FAP: variants seen among roughly 807,000 people sequenced by gnomAD.
FAP encodes prolyl endopeptidase FAP.
FAP carries 110 observed loss-of-function variants against 126.5 expected under a neutral mutation model. The ratio of observed to expected loss-of-function variants is 0.87; its 90% confidence interval spans 0.74 to 1.02. FAP has a LOEUF of 1.02. Among genes scored for constraint, FAP ranks in the 50% least tolerant of loss-of-function variants. The pLI is 0.00. For missense variants in FAP, 919 were observed against 909.2 expected, an observed-to-expected ratio of 1.01 and a Z score of -0.14; for synonymous variants, 334 against 297.3, an observed-to-expected ratio of 1.12 and a Z score of -1.27.
intron 8 of FAP, 150 bp downstream of exon 8, chr2:162,218,913 C>T (rs954492102): frequency 1.0e-5 from 5 of 502,388 alleles, no homozygotes; most frequent in Non-Finnish European, 1.7e-5. Flanking sequence ...TTTTAAAATA[C>T]GTATGCCCTA....
intron 9 of FAP, 112 bp from the exon 10 acceptor site, chr2:162,216,113 T>C: frequency 1.4e-6 from 1 of 696,396 alleles, no homozygotes; most frequent in Non-Finnish European, 2.5e-6. Flanking sequence ...CTTATGTATA[T>C]CACTGTGGAA....
chr2:162,197,260 C>T (rs1017872253), intron 16 of FAP, among the ~76,000 whole-genome samples: 1 of 152,132 alleles, frequency 6.6e-6, no homozygotes, highest in African/African-American at 2.4e-5. Context: ...AGACATTCTT[C>T]TTGGTCTTAG....
At chr2:162,188,770 T>G (rs1052312328) in intron 19 of FAP, among the ~76,000 whole-genome samples, 2 of 152,138 alleles carry the variant, frequency 1.3e-5, no homozygotes, top group Non-Finnish European at 2.9e-5. Flanking sequence ...TTATTTCATT[T>G]CTAACTCAAT....
At chr2:162,205,342 A>C (rs76611548) in intron 12 of FAP, among the ~76,000 whole-genome samples, 2 of 152,212 alleles carry the variant, frequency 1.3e-5, no homozygotes, top group African/African-American at 2.4e-5. Flanking sequence ...AAGTGAAATT[A>C]ATAACCAAGA....
Position 162,219,906 on chromosome 2 carries a change from C to T in FAP, c.433G>A (p.Glu145Lys), listed in dbSNP as rs1689315025. The stretch of plus-strand genomic sequence containing the variant: ...AAATACTGAATTGGACGAGGAAGCT[C>T]ATTTCCTCTTACAAATTCTCTAGAA... ...LSNGEFVRGN[E>K]LPRPIQYLCW... is the part of the protein sequence containing the mutation. Residue 145 changes from glutamate to lysine, a missense_variant, in exon 7 of 26, where the codon GAG becomes AAG. Physicochemically the swap from Glu to Lys is moderately conservative, Grantham distance 56. Transcript: ENST00000188790. 6.2e-7 allele frequency: 1 copy of T among 1,611,800 alleles called. No individual in the cohort carries two copies. The highest frequency in any genetic ancestry group is 8.5e-7 in the Non-Finnish European group (1 of 1,178,198).
At chr2:162,176,798 T>G (rs1687502834) in intron 21 of FAP, 1 of 152,170 alleles carries the variant, frequency 6.6e-6, no homozygotes, top group Admixed American at 6.6e-5. Flanking sequence ...AATAAAAGCC[T>G]TTGTATATCA....
intron 12 of FAP, among the ~76,000 whole-genome samples, chr2:162,204,391 G>T (rs1285210325): frequency 6.6e-6 from 1 of 152,188 alleles, no homozygotes; most frequent in Non-Finnish European, 1.5e-5. Context: ...GCCACAGAAT[G>T]TGACCCTTTT....
At chr2:162,189,219 T>C in intron 18 of FAP, 47 bp from the exon 19 acceptor site, 1 of 1,121,280 alleles carries the variant, frequency 8.9e-7, no homozygotes, top group Non-Finnish European at 1.3e-6. Context: ...ACAGCACTAG[T>C]AGCATCATTT....
At chr2:162,235,412 T>G (rs1690086776) in intron 2 of FAP, among the ~76,000 whole-genome samples, 1 of 152,186 alleles carries the variant, frequency 6.6e-6, no homozygotes, top group African/African-American at 2.4e-5. Flanking sequence ...CCTTTGTGTC[T>G]AGCTAAGGGA....
intron 12 of FAP, among the ~76,000 whole-genome samples, chr2:162,207,867 T>C (rs13035102): frequency 4.6e-5 from 7 of 151,550 alleles, no homozygotes; most frequent in Admixed American, 3.3e-4. Flanking sequence ...CCCGCCACCA[T>C]GCCCGGCTAA....
At chr2:162,236,537 G>A (rs1397357905) in intron 2 of FAP, among the ~76,000 whole-genome samples, 1 of 151,436 alleles carries the variant, frequency 6.6e-6, no homozygotes, top group Non-Finnish European at 1.5e-5. Flanking sequence ...TTCTTCTTAA[G>A]TATTGGTAGT....
At chr2:162,183,618 A>C (rs1687767163) in intron 20 of FAP, 150 bp from the exon 21 acceptor site, 9 of 597,368 alleles carry the variant, frequency 1.5e-5, no homozygotes, top group Non-Finnish European at 2.7e-5. Flanking sequence ...TTTACAAATA[A>C]TTAAAATAAT....
intron 17 of FAP, chr2:162,193,880 G>A (rs956059937): frequency 7.9e-5 from 12 of 152,036 alleles, no homozygotes; most frequent in African/African-American, 2.4e-4. Flanking sequence ...AGGGACAATC[G>A]CAGGCATGAG....
intron 4 of FAP, 65 bp from the exon 5 acceptor site, chr2:162,224,605 T>A (rs1016749381): frequency 1.0e-6 from 1 of 994,984 alleles, no homozygotes; most frequent in Non-Finnish European, 1.5e-6. Flanking sequence ...AAATTTGTAG[T>A]TTTAAAAGAA....
chr2:162,197,791 A>T (rs1039469383), intron 16 of FAP: 3 of 367,880 alleles, frequency 8.2e-6, no homozygotes, highest in African/African-American at 6.4e-5. Flanking sequence ...TTTAAGCCAC[A>T]TACCCCTACC....
chr2:162,235,138 C>T (rs986813859), intron 2 of FAP, among the ~76,000 whole-genome samples: 6 of 151,800 alleles, frequency 4.0e-5, no homozygotes, highest in African/African-American at 1.5e-4. Flanking sequence ...CCCCCCACTC[C>T]CCCAGTCCCC....
In FAP at chr2:162,223,680, C is replaced by CA; in HGVS notation, c.361-21dup. The stretch of plus-strand genomic sequence containing the variant: ...CCAAAGCTGTCAGAAAGAAGAAAGA[C>CA]AAAAAACAAATTGCAGTTGTTAAAA... On this transcript the variant is annotated intron_variant, in intron 5 of 25. Transcript: ENST00000188790. The CA allele has an allele frequency of 6.4e-7, 1 of 1,572,876 alleles. No homozygotes were observed. The highest frequency in any genetic ancestry group is 8.7e-7 in the Non-Finnish European group (1 of 1,143,862).
In FAP at chr2:162,242,989, A is replaced by G. The variant is rs1443512162; in HGVS notation, c.10T>C (p.Trp4Arg). 2.5e-6 allele frequency: 4 copies of G among 1,610,674 alleles called. No individual in the cohort carries two copies. Among genetic ancestry groups the G allele is most frequent in the African/African-American group, 1.3e-5 (1 of 74,912 alleles). Residue 4 changes from tryptophan to arginine, a missense_variant, in exon 2 of 26, where the codon TGG becomes CGG. Coordinates refer to ENST00000188790, the MANE Select transcript of FAP (RefSeq NM_004460.5). Reference sequence around the variant, plus strand: ...GCAACTCCAAATACGATTTTTACCCAAGTCTACATAAAATAAAGAGAATTA... The same window carrying G: ...GCAACTCCAAATACGATTTTTACCCGAGTCTACATAAAATAAAGAGAATTA... The part of the protein sequence containing the change: MKT[W>R]VKIVFGVATS...
chr2:162,217,777 G>A (rs563304789), intron 9 of FAP, among the ~76,000 whole-genome samples: 1 of 152,246 alleles, frequency 6.6e-6, no homozygotes, highest in African/African-American at 2.4e-5. Context: ...TTCTGCAATA[G>A]ATTTTGCAAA....
Sources: gnomAD v4.1 joint callset for allele counts (sites outside exome capture counted in the v4.1 genomes callset) on GRCh38, gnomAD v4.1.1 for gene constraint, MANE v1.5 for transcripts, NCBI Gene and HGNC (gene_info 2026-07-23, HGNC 2026-07-21) for gene names.